CDKL5: variants seen among roughly 807,000 people sequenced by gnomAD.
CDKL5 encodes cyclin dependent kinase like 5.
In CDKL5, 8 loss-of-function variants were observed where a neutral mutation model predicts 61.7. The observed-to-expected ratio is 0.13, with a 90% confidence interval of 0.08 to 0.23. CDKL5 has a LOEUF of 0.23. Ranked by LOEUF, CDKL5 falls within the 10% of genes least tolerant of loss-of-function variation. The pLI is 1.00. For missense variants in CDKL5, 440 were observed against 734.5 expected (o/e 0.60, Z 4.63); for synonymous variants, 275 against 272.3 (o/e 1.01, Z -0.10).
chrX:18,503,646 C>T (rs151209003), intron 1 of CDKL5, among the ~76,000 whole-genome samples: 55 of 112,309 alleles, frequency 4.9e-4, no homozygotes, highest in Non-Finnish European at 8.8e-4. Context: ...GTAATATATG[C>T]AAATTCTGTT....
At chrX:18,607,612 C>T (rs1165037981) in intron 12 of CDKL5, among the ~76,000 whole-genome samples, 1 of 111,667 alleles carries the variant, frequency 9.0e-6, no homozygotes, top group Non-Finnish European at 1.9e-5. Context: ...CAGTGCCCAG[C>T]TGCAAGAAAG....
intron 3 of CDKL5, among the ~76,000 whole-genome samples, chrX:18,530,974 A>T (rs1204042461): frequency 2.7e-5 from 3 of 111,869 alleles, no homozygotes; most frequent in Non-Finnish European, 3.8e-5. Flanking sequence ...TTTCAGTTGT[A>T]ATTCTCTGTT....
At chrX:18,514,707 C>CA (rs1224243985) in intron 3 of CDKL5, among the ~76,000 whole-genome samples, 1,035 of 52,963 alleles carry the variant, frequency 0.02, 11 homozygotes, top group African/African-American at 0.059. Context: ...AACTCCATCT[C>CA]AAAAAAAAAA....
rs752262825 is a variant in CDKL5, at chrX:18,630,788, T to C, written c.*2031T>C. On this transcript the variant is annotated 3_prime_UTR_variant, in exon 18 of 18. Transcript: ENST00000623535. ...TTTGCATGCTCTTTAGTTCTTTTTC[T>C]GTCTTACTTCTTTCACCAGTTCAGT... 70 of 752,765 alleles carry C rather than the reference T, an allele frequency of 9.3e-5. No individual in the cohort carries two copies. Among genetic ancestry groups the C allele is most frequent in the Non-Finnish European group, 1.1e-4 (70 of 639,006 alleles). The allele number at this position is 752,765 out of a possible 1,213,427, so 62.0% of individuals were successfully genotyped here. A position where few individuals can be genotyped will look rare whatever the true frequency, so the allele number is the denominator to read the frequency against.
chrX:18,559,618 CT>C (rs1426007448), intron 3 of CDKL5, among the ~76,000 whole-genome samples: 1,722 of 90,776 alleles, frequency 0.019, 24 homozygotes, highest in Middle Eastern at 0.051. Flanking sequence ...ATGACCTTTT[CT>C]TTTTTTTTTT....
intron 3 of CDKL5, among the ~76,000 whole-genome samples, chrX:18,550,150 A>T (rs978418985): frequency 8.9e-6 from 1 of 111,759 alleles, no homozygotes; most frequent in Non-Finnish European, 1.9e-5. Flanking sequence ...TGTCTTCGGC[A>T]CCAATTAGAG....
intron 1 of CDKL5, among the ~76,000 whole-genome samples, chrX:18,465,596 G>A (rs1932384027): frequency 9.0e-6 from 1 of 111,511 alleles, no homozygotes; most frequent in African/African-American, 3.3e-5. Flanking sequence ...TTGAATCCGG[G>A]AAGGGGAGGT....
At chrX:18,580,004 A>G (rs956033953) in intron 6 of CDKL5, 36 bp downstream of exon 6, 2 of 1,090,504 alleles carry the variant, frequency 1.8e-6, no homozygotes, top group East Asian at 6.0e-5. Context: ...AAATATTAAA[A>G]CATCAAATAA....
intron 1 of CDKL5, among the ~76,000 whole-genome samples, chrX:18,433,095 G>T (rs918503058): frequency 9.2e-5 from 10 of 108,678 alleles, no homozygotes; most frequent in Admixed American, 7.9e-4. Context: ...GAGTGCAGTG[G>T]TGTGCACCTG....
At chrX:18,512,821 TA>T (rs1022168545) in intron 3 of CDKL5, among the ~76,000 whole-genome samples, 3 of 111,025 alleles carry the variant, frequency 2.7e-5, no homozygotes, top group Admixed American at 9.6e-5. Context: ...TTCTGAAGCT[TA>T]AAAAAAATTC....
chrX:18,432,310 C>T (rs1462760491), intron 1 of CDKL5, among the ~76,000 whole-genome samples: 7 of 109,287 alleles, frequency 6.4e-5, no homozygotes, highest in Non-Finnish European at 1.3e-4. Flanking sequence ...GTTGGCCAGG[C>T]TGGTCTTGAA....
intron 1 of CDKL5, among the ~76,000 whole-genome samples, chrX:18,482,867 A>C (rs781324428): frequency 5.3e-4 from 59 of 112,136 alleles, no homozygotes; most frequent in Non-Finnish European, 1.0e-3. Context: ...GATATTGTTC[A>C]ACTTGATAAA....
At chrX:18,505,595 T>C (rs1263949173) in intron 1 of CDKL5, among the ~76,000 whole-genome samples, 4 of 112,014 alleles carry the variant, frequency 3.6e-5, no homozygotes, top group African/African-American at 1.3e-4. Flanking sequence ...TTTAGTAAAA[T>C]GTCCCTCAGC....
chrX:18,552,540 T>C (rs1924436642), intron 3 of CDKL5, among the ~76,000 whole-genome samples: 1 of 112,249 alleles, frequency 8.9e-6, no homozygotes, highest in African/African-American at 3.2e-5. Flanking sequence ...ATTTCTCAAC[T>C]ACAAGCTTGC....
chrX:18,588,238 A>T, intron 9 of CDKL5, 95 bp downstream of exon 9: 3 of 690,066 alleles, frequency 4.3e-6, no homozygotes. Context: ...TCCTTTGAAT[A>T]CTATTTCTTT....
chrX:18,530,787 T>G, intron 3 of CDKL5, among the ~76,000 whole-genome samples: 1 of 111,655 alleles, frequency 9.0e-6, no homozygotes, highest in East Asian at 2.8e-4. Flanking sequence ...AATAGGCCTT[T>G]AGTGTAAGGT....
In CDKL5 at chrX:18,587,777, A is replaced by G. The variant is rs764025424; in HGVS notation, c.555-177A>G. The G allele has an allele frequency of 6.5e-6, 3 of 462,628 alleles. No individual in the cohort carries two copies. The South Asian group carries it at 9.7e-5, about 15-fold the overall frequency. The allele number at this position is 462,628 out of a possible 1,213,427, so 38.1% of individuals were successfully genotyped here. A position where few individuals can be genotyped will look rare whatever the true frequency, so the allele number is the denominator to read the frequency against. On this transcript the variant is annotated intron_variant, in intron 8 of 17. Transcript: ENST00000623535. ...TTATTAAATTGATGGCTTTATTAGC[A>G]TAGGTTTATTCACTTGTGTTCTGAT...
At chrX:18,609,793 A>ATATAGAGAC (rs1430739560) in intron 14 of CDKL5, among the ~76,000 whole-genome samples, 29 of 111,329 alleles carry the variant, frequency 2.6e-4, no homozygotes, top group Non-Finnish European at 3.8e-5. Context: ...GTACCCATCA[A>ATATAGAGAC]TATAGAGACT....
chrX:18,507,797 TAAAC>T (rs951519400), intron 2 of CDKL5, among the ~76,000 whole-genome samples: 2 of 111,771 alleles, frequency 1.8e-5, no homozygotes, highest in Non-Finnish European at 3.8e-5. Context: ...ACCTGGTAAA[TAAAC>T]AAATAAGTAA....
Sources: allele counts gnomAD v4.1 joint callset (sites outside exome capture counted in the v4.1 genomes callset), GRCh38; gene constraint gnomAD v4.1.1; transcripts MANE v1.5; gene names NCBI Gene and HGNC (gene_info 2026-07-23, HGNC 2026-07-21).